The following DLG5 variants were observed in gnomAD, a reference collection of about 807,000 sequenced individuals.
DLG5 encodes the protein discs large MAGUK scaffold protein 5, also known as disks large homolog 5.
DLG5 carries 48 observed loss-of-function variants against 189.8 expected under a neutral mutation model. That is an observed-to-expected ratio of 0.25 (90% CI 0.20 to 0.32). The LOEUF (loss-of-function observed/expected upper bound fraction) is 0.32. Among genes scored for constraint, DLG5 ranks in the 10% least tolerant of loss-of-function variants. The pLI is 1.00. For synonymous variants in DLG5, 1,016 were observed against 1,054.1 expected, an observed-to-expected ratio of 0.96 and a Z score of 0.70; for missense variants, 2,160 against 2,544.7, an observed-to-expected ratio of 0.85 and a Z score of 3.25.
intron 1 of DLG5, among the ~76,000 whole-genome samples, chr10:77,920,732 C>T (rs1329681161): frequency 1.3e-5 from 2 of 152,208 alleles, no homozygotes; most frequent in Non-Finnish European, 2.9e-5. Context: ...AGCTCCCTTT[C>T]TTCCCTGGTC....
rs533439540 is a variant in DLG5, at chr10:77,824,656, T to C, written c.2290-180A>G. The C allele has an allele frequency of 4.9e-5, 28 of 568,530 alleles. No individual in the cohort carries two copies. In the South Asian group the frequency reaches 6.2e-4, roughly 13 times the overall value. 35.2% of individuals were successfully genotyped at this position (568,530 alleles called of 1,614,324 possible). On this transcript the variant is annotated intron_variant, in intron 13 of 31. Transcript: ENST00000372391. ...GGCCCAAGGAGTCCAACTAAGGGGATTCTGAGGTAGAGGAACACATAAGCC... is the reference window on the plus strand; with the variant it reads ...GGCCCAAGGAGTCCAACTAAGGGGACTCTGAGGTAGAGGAACACATAAGCC...
chr10:77,933,535 C>G, the DLG5 span, among the ~76,000 whole-genome samples: 2 of 152,072 alleles, frequency 1.3e-5, no homozygotes, highest in Non-Finnish European at 2.9e-5. Flanking sequence ...CTCAGGTGAT[C>G]CACCCCACTC....
At chr10:77,920,179 T>C (rs954033439) in intron 1 of DLG5, among the ~76,000 whole-genome samples, 1 of 152,210 alleles carries the variant, frequency 6.6e-6, no homozygotes, top group Non-Finnish European at 1.5e-5. Flanking sequence ...TGTCTACTAC[T>C]GCCACTGTTG....
intron 25 of DLG5, 95 bp downstream of exon 25, chr10:77,807,701 G>T: frequency 7.0e-7 from 1 of 1,425,386 alleles, no homozygotes; most frequent in South Asian, 1.3e-5. Context: ...GCCTTGGGGG[G>T]CAAGAAACAG....
intron 1 of DLG5, among the ~76,000 whole-genome samples, chr10:77,917,210 C>T (rs546270020): frequency 7.9e-5 from 12 of 152,034 alleles, no homozygotes; most frequent in East Asian, 7.7e-4. Flanking sequence ...GGCATGGTGG[C>T]GGGCGCCTGT....
chr10:77,796,302 T>G lies in DLG5; in HGVS notation c.5309-114A>C. The stretch of plus-strand genomic sequence containing the variant: ...GTCAGTAACCCAGTCCTGCCATGCA[T>G]GAATCTGACCCATGTCAGCAGGCTT... On this transcript the variant is annotated intron_variant, in intron 28 of 31. Transcript: ENST00000372391. This position sits in a 1 kb window ranked among gnomAD's most constrained non-coding sequence, Gnocchi z 5.2. 1 of 1,590,702 alleles carries G rather than the reference T, an allele frequency of 6.3e-7. No individual in the cohort carries two copies. Among genetic ancestry groups the G allele is most frequent in the Non-Finnish European group, 8.6e-7 (1 of 1,164,974 alleles).
chr10:77,868,043 GGA>G (rs1208327167), intron 2 of DLG5: 3 of 456,724 alleles, frequency 6.6e-6, no homozygotes, highest in Non-Finnish European at 1.3e-5. Flanking sequence ...CCAGAAGCGA[GGA>G]GAGAGGCCCG....
chr10:77,935,030 T>C, the DLG5 span, among the ~76,000 whole-genome samples: 8 of 152,050 alleles, frequency 5.3e-5, no homozygotes, highest in African/African-American at 1.9e-4. Context: ...GCTAACTTTT[T>C]GTATTTTTAG....
At chr10:77,873,752 A>C (rs1844996261) in intron 1 of DLG5, among the ~76,000 whole-genome samples, 3 of 152,054 alleles carry the variant, frequency 2.0e-5, no homozygotes. Context: ...TTGAACCAGC[A>C]CACAGAGTTC....
intron 2 of DLG5, among the ~76,000 whole-genome samples, chr10:77,861,601 C>T (rs1408518029): frequency 2.0e-5 from 3 of 152,220 alleles, no homozygotes; most frequent in African/African-American, 7.2e-5. Flanking sequence ...ACGACATGTG[C>T]CAAGCACTGC....
the DLG5 span, among the ~76,000 whole-genome samples, chr10:77,935,225 C>G: frequency 1.3e-5 from 2 of 152,050 alleles, no homozygotes; most frequent in Non-Finnish European, 2.9e-5. Flanking sequence ...CCAACAATCC[C>G]CAATGAGCTA....
intron 12 of DLG5, 116 bp downstream of exon 12, chr10:77,829,239 T>A: frequency 1.4e-6 from 2 of 1,394,624 alleles, no homozygotes; most frequent in Non-Finnish European, 2.0e-6. Context: ...TACATTTAAA[T>A]GGCATTGGCC....
chr10:77,898,801 T>C (rs534894798), intron 1 of DLG5, among the ~76,000 whole-genome samples: 2 of 152,282 alleles, frequency 1.3e-5, no homozygotes, highest in South Asian at 2.1e-4. Flanking sequence ...GGAAGCTCCG[T>C]GCTGTGCAAG....
intron 1 of DLG5, chr10:77,869,579 CAG>C (rs1844819753): frequency 3.9e-6 from 1 of 254,226 alleles, no homozygotes. Context: ...CAGAGGGTAA[CAG>C]AGCAGAAATT....
chr10:77,809,896 G>T (rs1841676076), intron 23 of DLG5, among the ~76,000 whole-genome samples, 166 bp from the exon 24 acceptor site: 1 of 152,164 alleles, frequency 6.6e-6, no homozygotes, highest in Admixed American at 6.5e-5. Flanking sequence ...TTCGGGACAG[G>T]ATGCTAAGGT....
chr10:77,887,619 T>C (rs190137012), intron 1 of DLG5, among the ~76,000 whole-genome samples: 3 of 152,140 alleles, frequency 2.0e-5, no homozygotes, highest in African/African-American at 7.2e-5. Context: ...AGGAATATAT[T>C]TGGAAAGGCT....
At chr10:77,900,282 C>T (rs565652452) in intron 1 of DLG5, among the ~76,000 whole-genome samples, 2 of 152,194 alleles carry the variant, frequency 1.3e-5, no homozygotes, top group African/African-American at 2.4e-5. Context: ...TCCTGCAACC[C>T]CTCCCTGACC....
intron 2 of DLG5, among the ~76,000 whole-genome samples, chr10:77,861,630 G>A (rs760582308): frequency 6.6e-6 from 1 of 152,204 alleles, no homozygotes; most frequent in East Asian, 1.9e-4. Flanking sequence ...TGGGTTCTGT[G>A]CTAAAGACAC....
intron 2 of DLG5, among the ~76,000 whole-genome samples, chr10:77,858,382 C>A (rs906230678): frequency 6.6e-6 from 1 of 152,080 alleles, no homozygotes; most frequent in African/African-American, 2.4e-5. Context: ...TGCCTGTAAT[C>A]CAAGCACTCT....
Sources: gnomAD v4.1 joint callset for allele counts (sites outside exome capture counted in the v4.1 genomes callset) on GRCh38, gnomAD v4.1.1 for gene constraint, Gnocchi (gnomAD v3.1) non-coding constraint, MANE v1.5 for transcripts, NCBI Gene and HGNC (gene_info 2026-07-23, HGNC 2026-07-21) for gene names.